The following THAP4 variants were observed in gnomAD, a reference collection of about 807,000 sequenced individuals.
THAP4 encodes the protein THAP domain containing 4, also known as peroxynitrite isomerase THAP4.
Under a neutral mutation model 48.1 loss-of-function variants are expected in THAP4, and 18 were observed. The ratio of observed to expected loss-of-function variants is 0.37; its 90% CI spans 0.26 to 0.56. The LOEUF (loss-of-function observed/expected upper bound fraction) is 0.56. Among genes scored for constraint, THAP4 ranks in the 20% least tolerant of loss-of-function variants. The pLI is 0.78. For missense variants in THAP4, 656 were observed against 774.9 expected, an observed-to-expected ratio of 0.85 and a Z score of 1.82; for synonymous variants, 345 against 324.9, an observed-to-expected ratio of 1.06 and a Z score of -0.66.
At chr2:241,599,251 CAA>C (rs199720828) in intron 5 of THAP4, among the ~76,000 whole-genome samples, 3 of 131,370 alleles carry the variant, frequency 2.3e-5, no homozygotes, top group Non-Finnish European at 3.3e-5. Flanking sequence ...GACTCTGTCT[CAA>C]AAAAAAAAAA....
At chr2:241,634,176 C>G (rs960461482) in intron 1 of THAP4, 97 bp from the exon 2 acceptor site, 2 of 920,504 alleles carry the variant, frequency 2.2e-6, no homozygotes, top group Non-Finnish European at 3.3e-6. Flanking sequence ...TGCACGCACC[C>G]TAAGCCGTAT....
intron 2 of THAP4, among the ~76,000 whole-genome samples, chr2:241,609,612 C>T (rs2067237036): frequency 6.6e-6 from 1 of 152,104 alleles, no homozygotes; most frequent in Non-Finnish European, 1.5e-5. Context: ...CGTGGTGAAA[C>T]GCTGTCTCTA....
chr2:241,636,920 GGC>G lies in THAP4; in HGVS notation c.77+19_77+20del. ...CAGGGCCGGGTCGGGGCGGGGGCGT[GGC>G]GGCCCGGGGCCCGCGTACCTGTGGA... On this transcript the variant is annotated intron_variant, in intron 1 of 5. Coordinates refer to ENST00000407315, the MANE Select transcript of THAP4 (RefSeq NM_015963.6). 1 of 1,220,860 alleles carries G rather than the reference GGC, an allele frequency of 8.2e-7. No homozygotes were observed. Among genetic ancestry groups the G allele is most frequent in the South Asian group, 1.4e-5 (1 of 69,018 alleles). 75.6% of individuals were successfully genotyped at this position (1,220,860 alleles called of 1,614,324 possible). A position where few individuals can be genotyped will look rare whatever the true frequency, so the allele number is the denominator to read the frequency against.
chr2:241,620,268 G>GT, intron 2 of THAP4, among the ~76,000 whole-genome samples: 1 of 98,882 alleles, frequency 1.0e-5, no homozygotes, highest in Non-Finnish European at 2.1e-5. Context: ...TGAGGGGTGA[G>GT]GGGTGAGTGA....
Position 241,601,820 on chromosome 2 carries a change from G to C in THAP4, c.1614+76C>G. 1 of 1,590,306 alleles carries C rather than the reference G, an allele frequency of 6.3e-7. No homozygotes were observed. Among genetic ancestry groups the C allele is most frequent in the East Asian group, 2.3e-5 (1 of 44,050 alleles). On this transcript the variant is annotated intron_variant, in intron 5 of 5. Transcript: ENST00000407315. This position sits in a 1 kb window ranked among gnomAD's most constrained non-coding sequence, Gnocchi z 4.0. ...AGTGGCAAGACACGCACTACCTCAC[G>C]GAAGAGGAAGAGGCTGACTCCACAG... is the stretch of plus-strand genomic sequence containing the variant.
chr2:241,599,887 C>T (rs2067091883), intron 5 of THAP4, among the ~76,000 whole-genome samples: 1 of 152,086 alleles, frequency 6.6e-6, no homozygotes, highest in African/African-American at 2.4e-5. Flanking sequence ...AAATGTGTTA[C>T]TGGTAAGGAA....
At chr2:241,620,199 G>C (rs2067407801) in intron 2 of THAP4, among the ~76,000 whole-genome samples, 1 of 74,606 alleles carries the variant, frequency 1.3e-5, no homozygotes, top group South Asian at 8.2e-4. Context: ...GAGGGGTGAG[G>C]AGTGAGTGAG....
intron 5 of THAP4, among the ~76,000 whole-genome samples, chr2:241,585,912 C>CAAAAAAAAAAAAAAAAAAAAAAAA (rs1175852721): frequency 7.4e-4 from 21 of 28,254 alleles, no homozygotes; most frequent in East Asian, 1.3e-3. Flanking sequence ...GACTCCTTCT[C>CAAAAAAAAAAAAAAAAAAAAAAAA]AAAAAAAAAA....
chr2:241,621,721 C>A (rs1300151141), intron 2 of THAP4, among the ~76,000 whole-genome samples: 1 of 152,108 alleles, frequency 6.6e-6, no homozygotes, highest in East Asian at 1.9e-4. Context: ...TTTGAATTAA[C>A]CATAGTTCAG....
intron 5 of THAP4, among the ~76,000 whole-genome samples, chr2:241,590,665 G>A (rs2066956513): frequency 6.6e-6 from 1 of 152,142 alleles, no homozygotes; most frequent in African/African-American, 2.4e-5. Flanking sequence ...TGGGCACTAG[G>A]ACACTCAGAG....
intron 2 of THAP4, among the ~76,000 whole-genome samples, chr2:241,629,567 C>T (rs919255986): frequency 2.0e-5 from 3 of 151,358 alleles, no homozygotes; most frequent in Admixed American, 6.6e-5. Flanking sequence ...AAGGTAGGCC[C>T]GAATTCCCAC....
rs768061173 is a variant in THAP4 at position 241,633,468 on chromosome 2, T to C, written c.689A>G (p.Lys230Arg). 69 of 1,613,750 alleles carry C rather than the reference T, an allele frequency of 4.3e-5. 3 individuals are homozygous for C. The South Asian group carries it at 6.0e-4, about 14-fold the overall frequency. Residue 230 changes from lysine to arginine, a missense_variant, in exon 2 of 6, where the codon AAA (lysine) becomes AGA (arginine). Physicochemically the swap from Lys to Arg is conservative, Grantham distance 26. Coordinates refer to ENST00000407315, the MANE Select transcript of THAP4 (RefSeq NM_015963.6). This position sits in a 1 kb window ranked among gnomAD's most constrained non-coding sequence, Gnocchi z 7.5. ...DFTPPGSGACKFIGSLHSYSF... is the reference protein window; with the variant it reads ...DFTPPGSGACRFIGSLHSYSF... The stretch of plus-strand genomic sequence containing the variant: ...GTACGAATGAAGTGAGCCGATAAAT[T>C]TGCACGCCCCAGATCCTGGGGGCGT...
intron 2 of THAP4, among the ~76,000 whole-genome samples, chr2:241,623,058 A>G (rs2067453039): frequency 6.6e-6 from 1 of 151,958 alleles, no homozygotes; most frequent in Non-Finnish European, 1.5e-5. Context: ...TCTACTAAAA[A>G]TACAAAAATT....
chr2:241,620,303 C>G (rs1400382316), intron 2 of THAP4, among the ~76,000 whole-genome samples: 1 of 26,930 alleles, frequency 3.7e-5, no homozygotes, highest in Admixed American at 5.5e-4. Context: ...GTGAGTGAGT[C>G]GTGAGTGAGG....
intron 5 of THAP4, among the ~76,000 whole-genome samples, chr2:241,586,869 G>A (rs1177548878): frequency 6.6e-6 from 1 of 152,132 alleles, no homozygotes; most frequent in African/African-American, 2.4e-5. Context: ...GCAAAAGACT[G>A]AACACATGTG....
At chr2:241,615,973 G>A (rs574496992) in intron 2 of THAP4, among the ~76,000 whole-genome samples, 28 of 152,312 alleles carry the variant, frequency 1.8e-4, no homozygotes, top group African/African-American at 5.8e-4. Context: ...CAAGGAGGGC[G>A]CCCATGGGGA....
At chr2:241,590,258 CTGA>C (rs1381081421) in intron 5 of THAP4, among the ~76,000 whole-genome samples, 3 of 148,864 alleles carry the variant, frequency 2.0e-5, no homozygotes, top group African/African-American at 5.0e-5. Context: ...AGCTGCTCGG[CTGA>C]TGATAATGGG....
chr2:241,598,239 A>T (rs1247150606), intron 5 of THAP4, among the ~76,000 whole-genome samples: 2 of 152,210 alleles, frequency 1.3e-5, no homozygotes, highest in Non-Finnish European at 2.9e-5. Context: ...GTAAAAGCAC[A>T]GCTTAGGTCT....
chr2:241,632,068 C>T (rs776957685), intron 2 of THAP4, among the ~76,000 whole-genome samples: 6 of 151,566 alleles, frequency 4.0e-5, no homozygotes, highest in Admixed American at 6.6e-5. Context: ...CCACCATGCC[C>T]GGCTGAGAAT....
Sources: allele counts gnomAD v4.1 joint callset (sites outside exome capture counted in the v4.1 genomes callset), GRCh38; gene constraint gnomAD v4.1.1; non-coding constraint Gnocchi (gnomAD v3.1); transcripts MANE v1.5; gene names NCBI Gene and HGNC (gene_info 2026-07-23, HGNC 2026-07-21).